The following AMPD2 variants were observed in gnomAD, a reference collection of about 807,000 sequenced individuals.
AMPD2 encodes the protein AMP deaminase 2.
A neutral mutation model predicts 91.3 loss-of-function variants in AMPD2; 52 were observed. The observed-to-expected ratio is 0.57, with a 90% CI of 0.46 to 0.72. The LOEUF is 0.72. Among genes scored for constraint, AMPD2 ranks in the 30% least tolerant of loss-of-function variants. The probability of loss-of-function intolerance (pLI) is 0.00; values close to 1 mark genes in which losing one functional copy is unlikely to be tolerated. For missense variants in AMPD2, 822 were observed against 1,122.3 expected (o/e 0.73, Z 3.82); for synonymous variants, 455 against 456.4 (o/e 1.00, Z 0.04).
rs370528133 is a variant in AMPD2 at position 109,629,189 on chromosome 1, C to G, written c.1652C>G (p.Thr551Ser). ...ATCTTCCTGCCACTGTTCGAGGCCACTGTGCACCCTGCCAGCCACCCGGAA... is the reference window on the plus strand; with the variant it reads ...ATCTTCCTGCCACTGTTCGAGGCCAGTGTGCACCCTGCCAGCCACCCGGAA... Reference protein sequence around the residue: ...ENIFLPLFEATVHPASHPELH... With the variant: ...ENIFLPLFEASVHPASHPELH... The change falls in exon 14 of 19, where the codon ACT becomes AGT. Residue 551 changes from threonine (T) to serine (S), a missense_variant. This residue lies in a region of AMPD2 where 430 missense variants were observed against 606.0 expected (regional missense o/e 0.71). Coordinates refer to ENST00000528667, the MANE Select transcript of AMPD2 (RefSeq NM_001368809.2). 6.8e-6 allele frequency: 11 copies of G among 1,614,058 alleles called. No homozygotes were observed. The highest frequency in any genetic ancestry group is 1.7e-5 in the Admixed American group (1 of 60,008).
In AMPD2 at chr1:109,630,238, C is replaced by G. The variant is rs146538787; in HGVS notation, c.1989C>G (p.Pro663=). ...ISHGLLLRKA[P]VLQYLYYLAQ... is the part of the protein sequence containing the mutation. ...CCTCCCTGTTGCCTGCCCAGGCCCC[C>G]GTCCTGCAGTACCTGTACTACCTGG... Residue 663 remains proline, a synonymous_variant, in exon 17 of 19, where the codon CCC becomes CCG. Transcript: ENST00000528667. 1.9e-6 allele frequency: 3 copies of G among 1,612,496 alleles called. No homozygotes were observed. Among genetic ancestry groups the G allele is most frequent in the South Asian group, 1.1e-5 (1 of 91,088 alleles).
In AMPD2 at chr1:109,625,138, C is replaced by T. The variant is rs1053271970; in HGVS notation, c.92-165C>T. On this transcript the variant is annotated intron_variant, in intron 2 of 18. Coordinates refer to ENST00000528667, the MANE Select transcript of AMPD2 (RefSeq NM_001368809.2). This position sits in a 1 kb window ranked among gnomAD's most constrained non-coding sequence, Gnocchi z 4.0. ...TCCCTGCGTTAGAGGTGAGGGTGAG[C>T]CCTTTGGGAGCCACACACACAGGCC... 6.6e-6 allele frequency among the ~76,000 whole-genome samples: 1 copy of T among 152,050 alleles called. No homozygotes were observed. Among genetic ancestry groups the T allele is most frequent in the African/African-American group, 2.4e-5 (1 of 41,386 alleles).
In AMPD2 at chr1:109,631,129, A is replaced by T; in HGVS notation, c.2455A>T (p.Thr819Ser). 1 of 1,592,194 alleles carries T rather than the reference A, an allele frequency of 6.3e-7. No individual in the cohort carries two copies. The highest frequency in any genetic ancestry group is 8.5e-7 in the Non-Finnish European group (1 of 1,169,674). ...LETIPEEAGI[T>S]MSPGPQ ...GACCATTCCAGAGGAGGCGGGTATC[A>T]CCATGAGCCCAGGGCCTCAATGAGC... The change falls in exon 19 of 19, where the codon ACC (threonine) becomes TCC (serine). Residue 819 changes from threonine (T) to serine (S), a missense_variant. Thr to Ser is a moderately conservative substitution (Grantham distance 58). Coordinates refer to ENST00000528667, the MANE Select transcript of AMPD2 (RefSeq NM_001368809.2).
Position 109,628,459 on chromosome 1 carries a change from C to T in AMPD2, c.1371C>T (p.Asn457=), listed in dbSNP as rs757281729. ...GAGAGATCTTCATCAAGACGGACAA[C>T]AGGGTATCTGGGAAGTACTTTGCTC... ...VLREIFIKTD[N]RVSGKYFAHI... Residue 457 remains asparagine, a synonymous_variant, in exon 12 of 19, where the codon AAC becomes AAT. Coordinates refer to ENST00000528667, the MANE Select transcript of AMPD2 (RefSeq NM_001368809.2). The surrounding 1 kb of genome is among the most constrained non-coding windows in gnomAD (Gnocchi z 7.1). 1 of 1,613,346 alleles carries T rather than the reference C, an allele frequency of 6.2e-7. No homozygotes were observed. The highest frequency in any genetic ancestry group is 8.5e-7 in the Non-Finnish European group (1 of 1,180,020).
intron 17 of AMPD2, 51 bp from the exon 18 acceptor site, chr1:109,630,632 C>A: frequency 6.6e-7 from 1 of 1,509,480 alleles, no homozygotes; most frequent in Non-Finnish European, 9.0e-7. Context: ...GGAAGGGAGG[C>A]AGGGGCAGCT....
intron 18 of AMPD2, 45 bp from the exon 19 acceptor site, chr1:109,630,898 C>A (rs763983859): frequency 6.2e-7 from 1 of 1,610,320 alleles, no homozygotes; most frequent in South Asian, 1.1e-5. Context: ...GGCATGACCC[C>A]TCAGCACTGG....
In AMPD2 at chr1:109,630,677, G is replaced by C. The variant is rs1236896398; in HGVS notation, c.2158-6G>C. The C allele has an allele frequency of 1.9e-6, 3 of 1,607,830 alleles. No individual in the cohort carries two copies. The highest frequency in any genetic ancestry group is 1.7e-5 in the Admixed American group (1 of 59,628). ...GCACTCGTCTGAGGGAACCTGGCCC[G>C]TGCAGGAGCCGCTGATGGAGGAGTA... On this transcript the variant is annotated splice_polypyrimidine_tract_variant and splice_region_variant and intron_variant, in intron 17 of 18. Coordinates refer to ENST00000528667, the MANE Select transcript of AMPD2 (RefSeq NM_001368809.2).
Position 109,625,830 on chromosome 1 carries a change from C to CA in AMPD2, c.353+38_353+39insA, listed in dbSNP as rs1650627559. The stretch of plus-strand genomic sequence containing the variant: ...GGCAGCTGCTTAGTCTCCCTCCATA[C>CA]CCTTCCAGACCCTTTCAGAGCCCCT... On this transcript the variant is annotated intron_variant, in intron 4 of 18. Transcript: ENST00000528667. The surrounding 1 kb of genome is among the most constrained non-coding windows in gnomAD (Gnocchi z 4.0). The CA allele has an allele frequency of 5.0e-6, 8 of 1,609,838 alleles. No individual in the cohort carries two copies. The highest frequency in any genetic ancestry group is 5.9e-6 in the Non-Finnish European group (7 of 1,177,212).
At chr1:109,622,309 G>C (rs185562030) in intron 2 of AMPD2, 4 of 456,298 alleles carry the variant, frequency 8.8e-6, no homozygotes, top group East Asian at 6.9e-5. Context: ...TAGGGCAACT[G>C]ATACGGATCT....
chr1:109,630,600 G>T, intron 17 of AMPD2, 83 bp from the exon 18 acceptor site: 1 of 1,212,020 alleles, frequency 8.3e-7, no homozygotes, highest in Non-Finnish European at 1.2e-6. Context: ...GCGGGGGTGG[G>T]GAGAGTGAGT....
At chr1:109,626,027 C>A in intron 4 of AMPD2, 133 bp from the exon 5 acceptor site, 1 of 1,169,164 alleles carries the variant, frequency 8.6e-7, no homozygotes. Flanking sequence ...GTGAGAACAG[C>A]ACAGGGTTCT....
chr1:109,631,076 C>A lies in AMPD2; in HGVS notation c.2402C>A (p.Thr801Lys). Residue 801 changes from threonine to lysine, a missense_variant, in exon 19 of 19, where the codon ACG (threonine) becomes AAG (lysine). By Grantham distance (78) the Thr-to-Lys change is moderately conservative. This residue lies in a region of AMPD2 where 430 missense variants were observed against 606.0 expected (regional missense o/e 0.71). Transcript: ENST00000528667. ...CTGTGCCAGGAGCTGGCGCTCATCA[C>A]GCAGGCAGTCCAGAGTGAGATGCTG... The part of the protein sequence containing the change: ...ETLCQELALI[T>K]QAVQSEMLET... The A allele has an allele frequency of 6.2e-7, 1 of 1,613,212 alleles. No individual in the cohort carries two copies. The highest frequency in any genetic ancestry group is 1.1e-5 in the South Asian group (1 of 90,868).
chr1:109,621,559 G>A (rs1257862004), intron 2 of AMPD2: 8 of 543,722 alleles, frequency 1.5e-5, no homozygotes, highest in Non-Finnish European at 2.3e-5. Context: ...GTGTGCATGT[G>A]CTAAGACTGC....
At chr1:109,620,767 TGGAA>T in intron 1 of AMPD2, 143 bp from the exon 2 acceptor site, 1 of 1,282,706 alleles carries the variant, frequency 7.8e-7, no homozygotes, top group Non-Finnish European at 9.9e-7. Context: ...CCAGGCTAGC[TGGAA>T]GGACCAGCTA....
Position 109,629,834 on chromosome 1 carries a change from G to A in AMPD2, c.1901G>A (p.Cys634Tyr). ...GFHTFVLRPH[C>Y]GEAGPIHHLV... ...CACACGTTTGTGCTGAGGCCACACT[G>A]TGGGGAGGCTGGGCCCATCCACCAC... Residue 634 changes from cysteine (C) to tyrosine (Y), a missense_variant, in exon 16 of 19, where the codon TGT (cysteine) becomes TAT (tyrosine). This residue lies in a region of AMPD2 where 430 missense variants were observed against 606.0 expected (regional missense o/e 0.71). Coordinates refer to ENST00000528667, the MANE Select transcript of AMPD2 (RefSeq NM_001368809.2). 6.2e-7 allele frequency: 1 copy of A among 1,612,346 alleles called. No homozygotes were observed. The highest frequency in any genetic ancestry group is 8.5e-7 in the Non-Finnish European group (1 of 1,178,874).
chr1:109,626,152 G>T lies in AMPD2; in HGVS notation c.354-8G>T. The stretch of plus-strand genomic sequence containing the variant: ...ATCTGCCTGACTTCTCACCCCTCTT[G>T]CCTCTAGGCTGGAGCCAGACATCCT... On this transcript the variant is annotated splice_region_variant and splice_polypyrimidine_tract_variant and intron_variant, in intron 4 of 18. Coordinates refer to ENST00000528667, the MANE Select transcript of AMPD2 (RefSeq NM_001368809.2). 6.2e-7 allele frequency: 1 copy of T among 1,614,114 alleles called. No individual in the cohort carries two copies. The highest frequency in any genetic ancestry group is 8.5e-7 in the Non-Finnish European group (1 of 1,180,006).
In AMPD2 at chr1:109,631,726, TG is replaced by T. The variant is rs1651286510; in HGVS notation, c.*576del. Reference sequence around the variant, plus strand: ...GGGTAGACGCAGGCGGCAGAGGTGCTGGACCACATCTCCGCCAAGTCACTGC... The same window carrying T: ...GGGTAGACGCAGGCGGCAGAGGTGCTGACCACATCTCCGCCAAGTCACTGC... On this transcript the variant is annotated 3_prime_UTR_variant, in exon 19 of 19. Transcript: ENST00000528667. 6.2e-6 allele frequency: 1 copy of T among 161,478 alleles called. No homozygotes were observed. The highest frequency in any genetic ancestry group is 2.4e-5 in the African/African-American group (1 of 41,522). 10.0% of individuals were successfully genotyped at this position (161,478 alleles called of 1,614,324 possible).
At chr1:109,627,553 C>T (rs1025131642) in intron 9 of AMPD2, 35 bp downstream of exon 9, 18 of 1,609,984 alleles carry the variant, frequency 1.1e-5, no homozygotes, top group Non-Finnish European at 1.4e-5. Flanking sequence ...CTTAGCTCCC[C>T]TCCCAGCCCA....
In AMPD2 at chr1:109,629,173, C is replaced by T; in HGVS notation, c.1636C>T (p.Pro546Ser). ...GGAGATGCTGGAGAACATCTTCCTGCCACTGTTCGAGGCCACTGTGCACCC... is the reference window on the plus strand; with the variant it reads ...GGAGATGCTGGAGAACATCTTCCTGTCACTGTTCGAGGCCACTGTGCACCC... ...FQEMLENIFLPLFEATVHPAS... is the reference protein window; with the variant it reads ...FQEMLENIFLSLFEATVHPAS... The change falls in exon 14 of 19, where the codon CCA becomes TCA. Residue 546 changes from proline to serine, a missense_variant. Around this residue, in one of 5 missense-constraint regions of AMPD2, gnomAD observed 430 missense variants for 606.0 expected, o/e 0.71. Transcript: ENST00000528667. The T allele has an allele frequency of 6.2e-7, 1 of 1,614,140 alleles. No homozygotes were observed. Among genetic ancestry groups the T allele is most frequent in the Non-Finnish European group, 8.5e-7 (1 of 1,180,034 alleles).
Sources: allele counts gnomAD v4.1 joint callset (sites outside exome capture counted in the v4.1 genomes callset), GRCh38; gene constraint gnomAD v4.1.1; regional missense constraint gnomAD v4.1.1; non-coding constraint Gnocchi (gnomAD v3.1); transcripts MANE v1.5; gene names NCBI Gene and HGNC (gene_info 2026-07-23, HGNC 2026-07-21).